Variants in SDC4 observed in about 807,000 individuals in gnomAD.
SDC4 encodes syndecan 4.
Under a neutral mutation model 20.5 loss-of-function variants are expected in SDC4, and 17 were observed. That is an observed-to-expected ratio of 0.83 (90% CI 0.57 to 1.25). The LOEUF (loss-of-function observed/expected upper bound fraction) is 1.25, where lower values mean the gene tolerates loss of function less well. Among genes scored for constraint, SDC4 ranks in the 50% most tolerant of loss-of-function variants. The pLI is 0.00. For synonymous variants in SDC4, 107 were observed against 105.3 expected (o/e 1.02, Z -0.10); for missense variants, 241 against 252.3 (o/e 0.96, Z 0.30).
intron 1 of SDC4, 148 bp from the exon 2 acceptor site, chr20:45,336,068 T>C: frequency 1.5e-6 from 1 of 660,752 alleles, no homozygotes; most frequent in Non-Finnish European, 2.4e-6. Flanking sequence ...ACTCTACCTC[T>C]AACTCACCGC....
Position 45,348,317 on chromosome 20 carries a change from G to GCACC in SDC4, c.60+4_60+7dup. ...TCGCCCCCAGCCCGGGAACCTCCAA[G>GCACC]CACCCACCGACTCGGCGACTCCGCC... On this transcript the variant is annotated splice_region_variant and intron_variant, in intron 1 of 4. Transcript: ENST00000372733. The GCACC allele has an allele frequency of 1.3e-6, 2 of 1,578,250 alleles. No homozygotes were observed. Among genetic ancestry groups the GCACC allele is most frequent in the African/African-American group, 2.7e-5 (2 of 73,092 alleles).
intron 4 of SDC4, among the ~76,000 whole-genome samples, 186 bp from the exon 5 acceptor site, chr20:45,327,601 G>A (rs540928496): frequency 7.9e-5 from 12 of 152,362 alleles, no homozygotes; most frequent in Non-Finnish European, 1.0e-4. Flanking sequence ...GAAGTGGGTC[G>A]TTGGCATTTT....
rs372957429 is a variant in SDC4, at chr20:45,347,019, T to C, written c.60+1306A>G. Among the ~76,000 whole-genome samples, 16 of 152,322 alleles carry C rather than the reference T, an allele frequency of 1.1e-4. No individual in the cohort carries two copies. In the South Asian group the frequency reaches 3.3e-3, roughly 32 times the overall value. On this transcript the variant is annotated intron_variant, in intron 1 of 4. Coordinates refer to ENST00000372733, the MANE Select transcript of SDC4 (RefSeq NM_002999.4). ...AGCCTCAGGACCAGTTTAAGAACAGTACACAGTAAGATTGTTGTTGGAATT... is the reference window on the plus strand; with the variant it reads ...AGCCTCAGGACCAGTTTAAGAACAGCACACAGTAAGATTGTTGTTGGAATT...
At chr20:45,338,271 G>A (rs1313419590) in intron 1 of SDC4, among the ~76,000 whole-genome samples, 2 of 152,182 alleles carry the variant, frequency 1.3e-5, no homozygotes, top group African/African-American at 2.4e-5. Flanking sequence ...TCACTGACCT[G>A]GACATTTAAC....
intron 2 of SDC4, among the ~76,000 whole-genome samples, chr20:45,335,049 C>G (rs1443284121): frequency 6.6e-6 from 1 of 152,224 alleles, no homozygotes; most frequent in Non-Finnish European, 1.5e-5. Context: ...TATTAGCTGT[C>G]TGGCCTAGAG....
At chr20:45,339,147 C>T (rs1987918224) in intron 1 of SDC4, among the ~76,000 whole-genome samples, 1 of 152,214 alleles carries the variant, frequency 6.6e-6, no homozygotes, top group Non-Finnish European at 1.5e-5. Flanking sequence ...GGATTGTGGG[C>T]AATCACTCTT....
intron 1 of SDC4, among the ~76,000 whole-genome samples, chr20:45,339,517 G>A (rs2145714882): frequency 6.6e-6 from 1 of 152,354 alleles, no homozygotes; most frequent in Non-Finnish European, 1.5e-5. Context: ...GGGAGGCCAA[G>A]GTGGGAGGCT....
chr20:45,347,524 TC>T lies in SDC4; in HGVS notation c.60+800del, dbSNP rs1365925684. On this transcript the variant is annotated intron_variant, in intron 1 of 4. Coordinates refer to ENST00000372733, the MANE Select transcript of SDC4 (RefSeq NM_002999.4). ...TCCCTGGGCTGATTGAGGCCTTCTC[TC>T]CCCCCTACCCCCTTCACCTCACTCA... Among the ~76,000 whole-genome samples, 5 of 151,996 alleles carry T rather than the reference TC, an allele frequency of 3.3e-5. No individual in the cohort carries two copies. The South Asian group carries it at 1.0e-3, about 31-fold the overall frequency.
chr20:45,331,801 C>T (rs1423671385), intron 3 of SDC4, among the ~76,000 whole-genome samples: 1 of 152,108 alleles, frequency 6.6e-6, no homozygotes, highest in African/African-American at 2.4e-5. Flanking sequence ...TGGGAATTGC[C>T]CACCCCTTTG....
chr20:45,343,094 C>T (rs538813904), intron 1 of SDC4, among the ~76,000 whole-genome samples: 1 of 152,128 alleles, frequency 6.6e-6, no homozygotes, highest in Non-Finnish European at 1.5e-5. Flanking sequence ...TTTTCAGTCA[C>T]CCAGCCTTCA....
chr20:45,343,471 C>T (rs962430761), intron 1 of SDC4, among the ~76,000 whole-genome samples: 24 of 152,196 alleles, frequency 1.6e-4, no homozygotes, highest in African/African-American at 5.6e-4. Context: ...CCCCCTGCCC[C>T]CTCTCCCTCC....
chr20:45,335,874 C>G lies in SDC4; in HGVS notation c.107G>C (p.Arg36Pro), dbSNP rs1037132441. The change falls in exon 2 of 5, where the codon CGA becomes CCA. Residue 36 changes from arginine (R) to proline (P), a missense_variant. Coordinates refer to ENST00000372733, the MANE Select transcript of SDC4 (RefSeq NM_002999.4). Reference protein sequence around the residue: ...VIDPQDLLEGRYFSGALPDDE... With the variant: ...VIDPQDLLEGPYFSGALPDDE... ...GTCTGGTAGGGCTCCGGAGAAGTAT[C>G]GGCCTTCTAGGAGGTCCTGGGGGTC... 2 of 1,613,754 alleles carry G rather than the reference C, an allele frequency of 1.2e-6. No individual in the cohort carries two copies. Among genetic ancestry groups the G allele is most frequent in the East Asian group, 2.2e-5 (1 of 44,872 alleles).
chr20:45,332,160 CTTTTTT>C (rs60632364), intron 3 of SDC4, among the ~76,000 whole-genome samples: 3 of 140,086 alleles, frequency 2.1e-5, no homozygotes. Flanking sequence ...TATATATATA[CTTTTTT>C]TTTTTTTTTT....
chr20:45,339,333 T>C (rs935592087), intron 1 of SDC4, among the ~76,000 whole-genome samples: 3 of 152,254 alleles, frequency 2.0e-5, no homozygotes, highest in Non-Finnish European at 2.9e-5. Context: ...TCTGTTCTCC[T>C]CAGCTCACCC....
chr20:45,343,662 C>T (rs530377150), intron 1 of SDC4, among the ~76,000 whole-genome samples: 2 of 152,228 alleles, frequency 1.3e-5, no homozygotes. Context: ...CCCTTCCCAC[C>T]TCCCAGCTGT....
rs190859170 is a variant in SDC4 at position 45,336,405 on chromosome 20, C to A, written c.61-485G>T. Among the ~76,000 whole-genome samples the A allele has an allele frequency of 2.0e-5, 3 of 152,150 alleles. No individual in the cohort carries two copies. The South Asian group carries it at 6.2e-4, about 32-fold the overall frequency. On this transcript the variant is annotated intron_variant, in intron 1 of 4. Transcript: ENST00000372733. ...TCTAGCCTGAGCTACAGAGTGGGACCCCCGTCTCAAAAAAAATAAAAACAG... is the reference window on the plus strand; with the variant it reads ...TCTAGCCTGAGCTACAGAGTGGGACACCCGTCTCAAAAAAAATAAAAACAG...
chr20:45,325,978 CCCCATCAGAAGG>C lies in SDC4; in HGVS notation c.*1274_*1285del, dbSNP rs1987680064. 6.6e-6 allele frequency: 1 copy of C among 152,502 alleles called. No individual in the cohort carries two copies. Among genetic ancestry groups the C allele is most frequent in the Non-Finnish European group, 1.5e-5 (1 of 68,040 alleles). The allele number at this position is 152,502 out of a possible 1,614,324, so 9.4% of individuals were successfully genotyped here. On this transcript the variant is annotated 3_prime_UTR_variant, in exon 5 of 5. Transcript: ENST00000372733. ...GAACCATCCACCTCAACTATTCCAGCCCCATCAGAAGGCACCAGGAACAGGGCAAGAGAAAAA... is the reference window on the plus strand; with the variant it reads ...GAACCATCCACCTCAACTATTCCAGCCACCAGGAACAGGGCAAGAGAAAAA...
intron 2 of SDC4, 82 bp downstream of exon 2, chr20:45,335,700 A>T: frequency 6.8e-7 from 1 of 1,470,080 alleles, no homozygotes; most frequent in South Asian, 1.2e-5. Context: ...TCCAAGTCTC[A>T]AGGCATGGTC....
chr20:45,344,781 G>A (rs1988007506), intron 1 of SDC4, among the ~76,000 whole-genome samples: 1 of 152,212 alleles, frequency 6.6e-6, no homozygotes. Context: ...TCTCTGGGCA[G>A]GAAGGACCCT....
Sources: allele counts gnomAD v4.1 joint callset (sites outside exome capture counted in the v4.1 genomes callset), GRCh38; gene constraint gnomAD v4.1.1; transcripts MANE v1.5; gene names NCBI Gene and HGNC (gene_info 2026-07-23, HGNC 2026-07-21).